Variants in ACMSD observed in about 807,000 individuals in gnomAD.
ACMSD encodes 2-amino-3-carboxymuconate-6-semialdehyde decarboxylase.
Under a neutral mutation model 45.9 loss-of-function variants are expected in ACMSD, and 37 were observed. That is an observed-to-expected ratio of 0.81 (90% CI 0.62 to 1.06). The LOEUF (loss-of-function observed/expected upper bound fraction) is 1.06, where lower values mean the gene tolerates loss of function less well. ACMSD is among the 50% of genes least tolerant of loss of function. The pLI, the probability that ACMSD is intolerant of heterozygous loss-of-function variation, is 0.00. For synonymous variants in ACMSD, 138 were observed against 148.8 expected, an observed-to-expected ratio of 0.93 and a Z score of 0.53; for missense variants, 434 against 420.9, an observed-to-expected ratio of 1.03 and a Z score of -0.27.
At chr2:134,847,451 T>TAGATAG (rs1281893764) in intron 2 of ACMSD, among the ~76,000 whole-genome samples, 127 of 143,980 alleles carry the variant, frequency 8.8e-4, no homozygotes, top group African/African-American at 2.3e-3. Context: ...TAGATAGATA[T>TAGATAG]AGATAGAGAT....
Position 134,901,789 on chromosome 2 carries a change from T to G in ACMSD, c.949-9T>G, listed in dbSNP as rs1352163027. The G allele has an allele frequency of 2.5e-6, 4 of 1,592,424 alleles. No homozygotes were observed. Among genetic ancestry groups the G allele is most frequent in the Admixed American group, 1.7e-5 (1 of 58,046 alleles). ...AATAATGCTTTAAAATATTTTCTTT[T>G]CTTTTCAGAATAAACTCAAAGCCGG... is the stretch of plus-strand genomic sequence containing the variant. On this transcript the variant is annotated splice_polypyrimidine_tract_variant and intron_variant, in intron 9 of 9. Transcript: ENST00000356140.
At chr2:134,847,405 TAGATA>T (rs1687104962) in intron 2 of ACMSD, among the ~76,000 whole-genome samples, 1 of 108,144 alleles carries the variant, frequency 9.2e-6, no homozygotes, top group Non-Finnish European at 1.8e-5. Context: ...TACAGATAGA[TAGATA>T]GATAGATAGA....
At chr2:134,874,451 A>G (rs945219704) in intron 8 of ACMSD, among the ~76,000 whole-genome samples, 10 of 152,190 alleles carry the variant, frequency 6.6e-5, no homozygotes, top group African/African-American at 2.4e-4. Flanking sequence ...AACAATCCCC[A>G]TATCAGAATG....
chr2:134,888,764 C>T (rs1689605986), intron 8 of ACMSD, among the ~76,000 whole-genome samples: 1 of 151,914 alleles, frequency 6.6e-6, no homozygotes, highest in Non-Finnish European at 1.5e-5. Flanking sequence ...TGTATGACTC[C>T]ATTCATATGA....
At chr2:134,878,062 TG>T (rs538427507) in intron 8 of ACMSD, among the ~76,000 whole-genome samples, 102 of 152,346 alleles carry the variant, frequency 6.7e-4, no homozygotes, top group African/African-American at 2.2e-3. Flanking sequence ...TTAGATGAAC[TG>T]GTGTATGAGG....
chr2:134,901,766 T>C, intron 9 of ACMSD, 32 bp from the exon 10 acceptor site: 2 of 1,556,724 alleles, frequency 1.3e-6, no homozygotes, highest in Non-Finnish European at 8.8e-7. Context: ...AAACAACCAA[T>C]AATGCTTTAA....
At chr2:134,848,904 C>A (rs1351060997) in intron 2 of ACMSD, among the ~76,000 whole-genome samples, 4 of 152,182 alleles carry the variant, frequency 2.6e-5, no homozygotes, top group Non-Finnish European at 5.9e-5. Context: ...TCTGAGGCAG[C>A]CCATCCTCAC....
intron 1 of ACMSD, among the ~76,000 whole-genome samples, chr2:134,843,308 T>C (rs980165699): frequency 1.3e-5 from 2 of 152,144 alleles, no homozygotes; most frequent in Admixed American, 6.5e-5. Flanking sequence ...GCAAAACCGG[T>C]TCTGCTGATG....
intron 5 of ACMSD, among the ~76,000 whole-genome samples, chr2:134,866,020 C>T (rs976146384): frequency 3.9e-5 from 6 of 152,160 alleles, no homozygotes; most frequent in Non-Finnish European, 5.9e-5. Flanking sequence ...AATAAGTTCT[C>T]AGTCAATGTT....
intron 2 of ACMSD, among the ~76,000 whole-genome samples, chr2:134,855,086 GAA>G (rs1014247932): frequency 2.0e-5 from 3 of 151,652 alleles, no homozygotes; most frequent in African/African-American, 7.3e-5. Context: ...TTCACCAAAT[GAA>G]AAGACATGTG....
At chr2:134,850,929 C>A (rs1388412687) in intron 2 of ACMSD, among the ~76,000 whole-genome samples, 1 of 152,190 alleles carries the variant, frequency 6.6e-6, no homozygotes, top group African/African-American at 2.4e-5. Context: ...CAATCAGTTT[C>A]TCAGGCCTTG....
At chr2:134,889,498 A>C (rs902587762) in intron 8 of ACMSD, among the ~76,000 whole-genome samples, 8 of 152,176 alleles carry the variant, frequency 5.3e-5, no homozygotes, top group African/African-American at 1.9e-4. Flanking sequence ...CCACAGATTC[A>C]ACCAACTGAA....
intron 8 of ACMSD, among the ~76,000 whole-genome samples, chr2:134,896,038 T>C (rs149922298): frequency 6.6e-6 from 1 of 152,266 alleles, no homozygotes; most frequent in East Asian, 1.9e-4. Flanking sequence ...GCCAATACAA[T>C]TCAGTGTGAT....
chr2:134,894,085 T>TC (rs1394287225), intron 8 of ACMSD, among the ~76,000 whole-genome samples: 7 of 151,394 alleles, frequency 4.6e-5, no homozygotes, highest in African/African-American at 1.5e-4. Flanking sequence ...GTAAACTAAA[T>TC]CCCAAGCAAG....
In ACMSD at chr2:134,840,194, C is replaced by CAAAAAAAAAAA. The variant is rs1300580743; in HGVS notation, c.57+1455_57+1456insAAAAAAAAAAA. ...AAAAAAAAAAAAAAAAAAAAAAAAA[C>CAAAAAAAAAAA]CACTAATTCCTCTGTTACAGCTTTT... On this transcript the variant is annotated intron_variant, in intron 1 of 9. Coordinates refer to ENST00000356140, the MANE Select transcript of ACMSD (RefSeq NM_138326.3). 2.3e-4 allele frequency among the ~76,000 whole-genome samples: 16 copies of CAAAAAAAAAAA among 68,766 alleles called. 1 individual carries two copies. In the East Asian group the frequency reaches 3.3e-3, roughly 14 times the overall value. 45.1% of individuals were successfully genotyped at this position (68,766 alleles called of 152,430 possible).
chr2:134,875,578 T>A (rs1446577160), intron 8 of ACMSD, among the ~76,000 whole-genome samples: 1 of 152,228 alleles, frequency 6.6e-6, no homozygotes, highest in African/African-American at 2.4e-5. Context: ...AATTCTTTGC[T>A]TTGATTTTTA....
At position 134,845,509 on chromosome 2, in the gene ACMSD, GTCTCTCTCTCTCTCTCTCTCTC is replaced by G. The variant is rs59782657; in HGVS notation, c.102+257_102+278del. Among the ~76,000 whole-genome samples, 4 of 94,440 alleles carry G rather than the reference GTCTCTCTCTCTCTCTCTCTCTC, an allele frequency of 4.2e-5. No individual in the cohort carries two copies. The East Asian group carries it at 9.2e-4, about 22-fold the overall frequency. The allele number at this position is 94,440 out of a possible 152,430, so 62.0% of individuals were successfully genotyped here. A position where few individuals can be genotyped will look rare whatever the true frequency, so the allele number is the denominator to read the frequency against. On this transcript the variant is annotated intron_variant, in intron 2 of 9. Transcript: ENST00000356140. Reference sequence around the variant, plus strand: ...TTGGAATTTGAGAACACATTAAAAGGTCTCTCTCTCTCTCTCTCTCTCTCTCTCTCTCTCTCTCTCTCTCTCC... The same window carrying G: ...TTGGAATTTGAGAACACATTAAAAGGTCTCTCTCTCTCTCTCTCTCTCTCC...
chr2:134,842,185 C>A (rs1330217615), intron 1 of ACMSD, among the ~76,000 whole-genome samples: 1 of 152,116 alleles, frequency 6.6e-6, no homozygotes, highest in Non-Finnish European at 1.5e-5. Flanking sequence ...ATGCTCAGAC[C>A]AAAACCACTC....
Position 134,872,581 on chromosome 2 carries a change from C to T in ACMSD, c.789C>T (p.Tyr263=). 3 of 1,614,146 alleles carry T rather than the reference C, an allele frequency of 1.9e-6. No homozygotes were observed. Among genetic ancestry groups the T allele is most frequent in the Non-Finnish European group, 2.5e-6 (3 of 1,180,028 alleles). Residue 263 remains tyrosine (Y), a synonymous_variant, in exon 8 of 10, where the codon TAC becomes TAT. Coordinates refer to ENST00000356140, the MANE Select transcript of ACMSD (RefSeq NM_138326.3). Reference sequence around the variant, plus strand: ...CGAAGAAATACCTTGGTTCCTTTTACACAGATGCTTTGGTTCATGATCCTC... The same window carrying T: ...CGAAGAAATACCTTGGTTCCTTTTATACAGATGCTTTGGTTCATGATCCTC... ...MNPKKYLGSF[Y]TDALVHDPLS... is the part of the protein sequence containing the mutation.
Sources: allele counts gnomAD v4.1 joint callset (sites outside exome capture counted in the v4.1 genomes callset), GRCh38; gene constraint gnomAD v4.1.1; transcripts MANE v1.5; gene names NCBI Gene and HGNC (gene_info 2026-07-23, HGNC 2026-07-21).